AXL: variants seen among roughly 807,000 people sequenced by gnomAD.
AXL encodes the protein AXL receptor tyrosine kinase, also known as tyrosine-protein kinase receptor UFO.
A neutral mutation model predicts 104.5 loss-of-function variants in AXL; 52 were observed. The ratio of observed to expected loss-of-function variants is 0.50; its 90% confidence interval spans 0.40 to 0.63. The LOEUF is 0.63. AXL is among the 20% of genes least tolerant of loss of function. The pLI is 0.00. For synonymous variants in AXL, 455 were observed against 473.7 expected (o/e 0.96, Z 0.51); for missense variants, 1,024 against 1,188.5 (o/e 0.86, Z 2.04).
chr19:41,230,111 CTGTGTGTGTGAGACACAGTG>C (rs932083875), intron 4 of AXL, among the ~76,000 whole-genome samples: 17 of 151,264 alleles, frequency 1.1e-4, no homozygotes, highest in South Asian at 2.1e-4. Context: ...GTGTACGAAT[CTGTGTGTGTGAGACACAGTG>C]TGTGTGTGTG....
intron 6 of AXL, among the ~76,000 whole-genome samples, chr19:41,233,097 C>G (rs2034020882): frequency 6.6e-6 from 1 of 151,870 alleles, no homozygotes; most frequent in South Asian, 2.1e-4. Context: ...TCAAGCAATT[C>G]TCTTGCCTCA....
In AXL at chr19:41,220,785, G is replaced by A. The variant is rs962997099; in HGVS notation, c.235G>A (p.Ala79Thr). 5.0e-6 allele frequency: 8 copies of A among 1,614,030 alleles called. No homozygotes were observed. The highest frequency in any genetic ancestry group is 3.3e-5 in the Admixed American group (2 of 60,002). ...WLRDGQILEL[A>T]DSTQTQVPLG... ...TCGGGATGGACAGATCCTGGAGCTCGCGGACAGCACCCAGACCCAGGTGCC... is the reference window on the plus strand; with the variant it reads ...TCGGGATGGACAGATCCTGGAGCTCACGGACAGCACCCAGACCCAGGTGCC... The change falls in exon 2 of 20, where the codon GCG becomes ACG. Residue 79 changes from alanine to threonine, a missense_variant. Around this residue, in one of 5 missense-constraint regions of AXL, gnomAD observed 124 missense variants for 115.5 expected, o/e 1.07. Coordinates refer to ENST00000301178, the MANE Select transcript of AXL (RefSeq NM_021913.5).
In AXL at chr19:41,242,874, C is replaced by A. The variant is rs1429305392; in HGVS notation, c.1313-9C>A. 8 of 1,613,992 alleles carry A rather than the reference C, an allele frequency of 5.0e-6. No individual in the cohort carries two copies. Among genetic ancestry groups the A allele is most frequent in the Non-Finnish European group, 6.8e-6 (8 of 1,180,008 alleles). On this transcript the variant is annotated splice_polypyrimidine_tract_variant and intron_variant, in intron 10 of 19. Transcript: ENST00000301178. ...TCATCCATGACCTGTTCCTCATACC[C>A]CCTGATAGTGAAGGAACCTTCAACT...
chr19:41,253,321 A>G (rs1325954815), intron 16 of AXL, among the ~76,000 whole-genome samples: 1 of 152,114 alleles, frequency 6.6e-6, no homozygotes, highest in African/African-American at 2.4e-5. Flanking sequence ...CAGCATAGGC[A>G]AAGGCTCGGA....
intron 12 of AXL, among the ~76,000 whole-genome samples, chr19:41,244,497 T>G (rs1201657360): frequency 6.6e-6 from 1 of 151,900 alleles, no homozygotes; most frequent in Admixed American, 6.6e-5. Flanking sequence ...TTTTTTTTTT[T>G]GAGACAGAGT....
At position 41,221,334 on chromosome 19, in the gene AXL, G is replaced by A. The variant is rs533128360; in HGVS notation, c.409+88G>A. On this transcript the variant is annotated intron_variant, in intron 3 of 19. Transcript: ENST00000301178. The stretch of plus-strand genomic sequence containing the variant: ...AAGTCAGGAATCCTGAGGGGTCAAG[G>A]TCAAAGGGTGCTGGAGGATTCAGGA... The A allele has an allele frequency of 9.7e-5, 112 of 1,154,282 alleles. 1 individual carries two copies. The East Asian group carries it at 2.5e-3, about 26-fold the overall frequency. 71.5% of individuals were successfully genotyped at this position (1,154,282 alleles called of 1,614,324 possible).
intron 4 of AXL, among the ~76,000 whole-genome samples, chr19:41,226,228 G>A (rs1051535907): frequency 1.4e-4 from 22 of 152,122 alleles, no homozygotes; most frequent in African/African-American, 2.7e-4. Flanking sequence ...CGGTCGGAAC[G>A]GGACCCGGCT....
chr19:41,226,512 C>T (rs2033884590), intron 4 of AXL, among the ~76,000 whole-genome samples: 1 of 152,222 alleles, frequency 6.6e-6, no homozygotes. Flanking sequence ...CTCCCCTACC[C>T]TCCCCTTTCC....
At chr19:41,252,675 C>G (rs914836832) in intron 15 of AXL, among the ~76,000 whole-genome samples, 171 bp from the exon 16 acceptor site, 2 of 152,208 alleles carry the variant, frequency 1.3e-5, no homozygotes, top group Non-Finnish European at 2.9e-5. Context: ...CCTGGGAACT[C>G]TGCTGGAAAC....
At chr19:41,227,793 G>A (rs1276786398) in intron 4 of AXL, among the ~76,000 whole-genome samples, 1 of 151,970 alleles carries the variant, frequency 6.6e-6, no homozygotes, top group East Asian at 1.9e-4. Context: ...CCGGCCAGGC[G>A]ATTATTTAGA....
intron 10 of AXL, among the ~76,000 whole-genome samples, chr19:41,241,666 T>C (rs972771207): frequency 6.6e-6 from 1 of 150,894 alleles, no homozygotes; most frequent in Non-Finnish European, 1.5e-5. Flanking sequence ...GGTGAAACCC[T>C]GTCTCTACCA....
chr19:41,223,736 G>C (rs902388523), intron 4 of AXL, among the ~76,000 whole-genome samples: 1 of 152,106 alleles, frequency 6.6e-6, no homozygotes, highest in African/African-American at 2.4e-5. Flanking sequence ...GCTGAGTAGG[G>C]ACCAGGGTTG....
intron 14 of AXL, among the ~76,000 whole-genome samples, chr19:41,252,049 G>A (rs1251467467): frequency 5.3e-5 from 8 of 149,630 alleles, no homozygotes; most frequent in Admixed American, 5.3e-4. Context: ...AGAGGCGGAG[G>A]TTGCAGTGAC....
intron 14 of AXL, among the ~76,000 whole-genome samples, chr19:41,251,948 C>T (rs2034370239): frequency 6.6e-6 from 1 of 150,788 alleles, no homozygotes; most frequent in South Asian, 2.1e-4. Flanking sequence ...CCCGTCTCTA[C>T]TAAAAATACA....
At chr19:41,228,302 C>T (rs960097541) in intron 4 of AXL, among the ~76,000 whole-genome samples, 1 of 152,142 alleles carries the variant, frequency 6.6e-6, no homozygotes, top group African/African-American at 2.4e-5. Flanking sequence ...CCTGTGATCC[C>T]AGCACTTTGG....
At chr19:41,252,142 TTA>T (rs1043772790) in intron 14 of AXL, among the ~76,000 whole-genome samples, 225 of 122,444 alleles carry the variant, frequency 1.8e-3, no homozygotes, top group Middle Eastern at 0.015. Flanking sequence ...AATATATATT[TTA>T]TATATATATA....
rs778289997 is a variant in AXL, at chr19:41,238,065, A to T, written c.905A>T (p.His302Leu). Residue 302 changes from histidine (H) to leucine (L), a missense_variant, in exon 7 of 20, where the codon CAC becomes CTC. Transcript: ENST00000301178. ...HQLRLGSLHP[H>L]TPYHIRVACT... ...CTTCGGCTAGGCAGCCTCCATCCTC[A>T]CACCCCTTATCACATCCGCGTGGCA... is the stretch of plus-strand genomic sequence containing the variant. The T allele has an allele frequency of 1.9e-5, 31 of 1,611,204 alleles. No homozygotes were observed. The Admixed American group carries it at 5.2e-4, about 27-fold the overall frequency.
rs373332249 is a variant in AXL at position 41,220,623 on chromosome 19, A to G, written c.86-13A>G. ...GGGGGTTCCTAAGCTAACTCTTCCCATCTCCCCTCCAGGCACGCAGGCTGA... is the reference window on the plus strand; with the variant it reads ...GGGGGTTCCTAAGCTAACTCTTCCCGTCTCCCCTCCAGGCACGCAGGCTGA... On this transcript the variant is annotated splice_polypyrimidine_tract_variant and intron_variant, in intron 1 of 19. Transcript: ENST00000301178. 1.3e-6 allele frequency: 2 copies of G among 1,555,686 alleles called. No individual in the cohort carries two copies. Among genetic ancestry groups the G allele is most frequent in the South Asian group, 2.4e-5 (2 of 84,686 alleles).
Position 41,252,953 on chromosome 19 carries a change from G to A in AXL, c.1912G>A (p.Gly638Arg), listed in dbSNP as rs746561913. The A allele has an allele frequency of 5.6e-6, 9 of 1,613,932 alleles. No individual in the cohort carries two copies. Among genetic ancestry groups the A allele is most frequent in the Admixed American group, 1.7e-5 (1 of 59,988 alleles). The change falls in exon 16 of 20, where the codon GGG becomes AGG. Residue 638 changes from glycine (G) to arginine (R), a missense_variant. Around this residue, in one of 5 missense-constraint regions of AXL, gnomAD observed 523 missense variants for 636.0 expected, o/e 0.82. Coordinates refer to ENST00000301178, the MANE Select transcript of AXL (RefSeq NM_021913.5). ...LHSFLLYSRL[G>R]DQPVYLPTQM... ...CAGCTTCCTCCTCTATTCCCGGCTC[G>A]GGGACCAGCCAGTGGTAAGGGGCGT...
Sources: gnomAD v4.1 joint callset for allele counts (sites outside exome capture counted in the v4.1 genomes callset) on GRCh38, gnomAD v4.1.1 for gene constraint, gnomAD v4.1.1 regional missense constraint, MANE v1.5 for transcripts, NCBI Gene and HGNC (gene_info 2026-07-23, HGNC 2026-07-21) for gene names.